Variants in RHEB observed in about 807,000 individuals in gnomAD.
The protein encoded by RHEB is GTP-binding protein Rheb.
RHEB carries 2 observed loss-of-function variants against 28.8 expected under a neutral mutation model. The ratio of observed to expected loss-of-function variants is 0.07; its 90% confidence interval spans 0.03 to 0.22. RHEB has a LOEUF of 0.22. Ranked by LOEUF, RHEB falls within the 10% of genes least tolerant of loss-of-function variation. RHEB has a pLI of 1.00. For synonymous variants in RHEB, 69 were observed against 77.3 expected (o/e 0.89, Z 0.56); for missense variants, 76 against 219.9 (o/e 0.35, Z 4.14).
At chr7:151,514,857 C>T (rs978826963) in intron 1 of RHEB, among the ~76,000 whole-genome samples, 4 of 151,820 alleles carry the variant, frequency 2.6e-5, no homozygotes, top group Admixed American at 2.6e-4. Flanking sequence ...GGCAACAAAG[C>T]AAGGTTCCCA....
Position 151,467,054 on chromosome 7 carries a change from G to A in RHEB, c.*65C>T, listed in dbSNP as rs1031574426. The A allele has an allele frequency of 1.1e-5, 13 of 1,170,086 alleles. No homozygotes were observed. Among genetic ancestry groups the A allele is most frequent in the Admixed American group, 3.4e-5 (2 of 58,212 alleles). 72.5% of individuals were successfully genotyped at this position (1,170,086 alleles called of 1,614,324 possible). The stretch of plus-strand genomic sequence containing the variant: ...AAAAGAAGCATAGTTTATCTTCAAG[G>A]AGAACGGGCAGTTTGCTTCTTCAGG... On this transcript the variant is annotated 3_prime_UTR_variant, in exon 8 of 8. Coordinates refer to ENST00000262187, the MANE Select transcript of RHEB (RefSeq NM_005614.4).
rs546029258 is a variant in RHEB, at chr7:151,468,685, C to A, written c.463-1474G>T. On this transcript the variant is annotated intron_variant, in intron 7 of 7. Coordinates refer to ENST00000262187, the MANE Select transcript of RHEB (RefSeq NM_005614.4). This position sits in a 1 kb window ranked among gnomAD's most constrained non-coding sequence, Gnocchi z 4.3. ...CACATCCTCCATCCACCAAGCTGAC[C>A]CACCCACTTGAATGTGGGCTCCCAT... Among the ~76,000 whole-genome samples the A allele has an allele frequency of 1.3e-5, 2 of 152,204 alleles. No individual in the cohort carries two copies. Among genetic ancestry groups the A allele is most frequent in the Non-Finnish European group, 2.9e-5 (2 of 68,046 alleles).
intron 1 of RHEB, among the ~76,000 whole-genome samples, chr7:151,500,534 T>C (rs139619999): frequency 6.6e-6 from 1 of 152,138 alleles, no homozygotes; most frequent in Non-Finnish European, 1.5e-5. Context: ...CTGAAACAAC[T>C]GGATGTCAAT....
At chr7:151,483,870 C>T (rs1286646077) in intron 3 of RHEB, among the ~76,000 whole-genome samples, 3 of 152,282 alleles carry the variant, frequency 2.0e-5, no homozygotes, top group East Asian at 3.9e-4. Flanking sequence ...GTCAAAAGGG[C>T]TTTTCTTTGT....
At chr7:151,477,720 CA>C (rs1272690891) in intron 3 of RHEB, among the ~76,000 whole-genome samples, 3 of 152,178 alleles carry the variant, frequency 2.0e-5, no homozygotes, top group Admixed American at 6.5e-5. Flanking sequence ...GATCTCAAAA[CA>C]AGGGATGAGC....
intron 1 of RHEB, among the ~76,000 whole-genome samples, chr7:151,506,725 A>G (rs1403932753): frequency 1.3e-5 from 2 of 152,238 alleles, no homozygotes; most frequent in Non-Finnish European, 2.9e-5. Flanking sequence ...ATACCCCTAA[A>G]GCAGAAAATT....
intron 3 of RHEB, among the ~76,000 whole-genome samples, chr7:151,484,025 T>G (rs1036906767): frequency 1.3e-5 from 2 of 152,148 alleles, no homozygotes; most frequent in African/African-American, 4.8e-5. Flanking sequence ...TCAAATAAAT[T>G]GAAACTCCCT....
At chr7:151,485,071 A>G (rs562299149) in intron 2 of RHEB, among the ~76,000 whole-genome samples, 12 of 152,368 alleles carry the variant, frequency 7.9e-5, no homozygotes, top group Non-Finnish European at 1.2e-4. Context: ...TTCATATCCT[A>G]TAATAGTAAT....
chr7:151,505,579 G>A (rs981736905), intron 1 of RHEB, among the ~76,000 whole-genome samples: 2 of 152,088 alleles, frequency 1.3e-5, no homozygotes, highest in African/African-American at 4.8e-5. Context: ...AAAATGTTTT[G>A]GAAAAACAGT....
At chr7:151,486,411 A>T (rs1263500853) in intron 2 of RHEB, among the ~76,000 whole-genome samples, 4 of 152,166 alleles carry the variant, frequency 2.6e-5, no homozygotes, top group Non-Finnish European at 5.9e-5. Flanking sequence ...ATACTCAGTG[A>T]GCTTAGATCC....
chr7:151,481,748 G>C (rs1016710030), intron 3 of RHEB, among the ~76,000 whole-genome samples: 8 of 152,186 alleles, frequency 5.3e-5, no homozygotes, highest in African/African-American at 1.7e-4. Flanking sequence ...TATATTTTGT[G>C]CAAAAATTCT....
chr7:151,504,226 T>G (rs2150935601), intron 1 of RHEB, among the ~76,000 whole-genome samples: 1 of 152,326 alleles, frequency 6.6e-6, no homozygotes, highest in Middle Eastern at 3.4e-3. Context: ...CCCTATAACC[T>G]TAACCTACTC....
intron 1 of RHEB, among the ~76,000 whole-genome samples, chr7:151,492,618 T>TA (rs1299970761): frequency 0.038 from 4,756 of 124,926 alleles, 239 homozygotes; most frequent in African/African-American, 0.13. Context: ...CTCTGTCTTA[T>TA]AAAAAAAAAA....
intron 1 of RHEB, among the ~76,000 whole-genome samples, chr7:151,514,592 C>G (rs576845793): frequency 6.6e-6 from 1 of 152,168 alleles, no homozygotes. Flanking sequence ...TGCAGCTGTT[C>G]TGGAAAAAAT....
intron 2 of RHEB, among the ~76,000 whole-genome samples, chr7:151,487,881 C>T (rs1802510250): frequency 6.6e-6 from 1 of 152,138 alleles, no homozygotes; most frequent in Non-Finnish European, 1.5e-5. Flanking sequence ...TGCTACTAAC[C>T]ACGGTCATAG....
intron 1 of RHEB, chr7:151,502,586 C>A: frequency 7.9e-7 from 1 of 1,272,800 alleles, no homozygotes; most frequent in Non-Finnish European, 1.1e-6. Flanking sequence ...CATAAAGGGG[C>A]TCTTACAGCA....
chr7:151,474,950 A>C (rs1802247076), intron 4 of RHEB, among the ~76,000 whole-genome samples: 2 of 152,196 alleles, frequency 1.3e-5, no homozygotes, highest in Non-Finnish European at 2.9e-5. Flanking sequence ...CTCTTCTCAC[A>C]CTCATGTTTG....
chr7:151,467,882 G>A (rs971441793), intron 7 of RHEB, among the ~76,000 whole-genome samples: 5 of 152,110 alleles, frequency 3.3e-5, no homozygotes, highest in East Asian at 1.9e-4. Flanking sequence ...GTGGGGAGGA[G>A]AACTGTCAGA....
intron 1 of RHEB, among the ~76,000 whole-genome samples, chr7:151,509,073 C>T (rs1440941469): frequency 6.6e-6 from 1 of 152,204 alleles, no homozygotes; most frequent in Non-Finnish European, 1.5e-5. Context: ...AAGAGTCCAA[C>T]TCCCCCTCCC....
Sources: allele counts gnomAD v4.1 joint callset (sites outside exome capture counted in the v4.1 genomes callset), GRCh38; gene constraint gnomAD v4.1.1; non-coding constraint Gnocchi (gnomAD v3.1); transcripts MANE v1.5; gene names NCBI Gene and HGNC (gene_info 2026-07-23, HGNC 2026-07-21).